The following XPO4 variants were observed in gnomAD, a reference collection of about 807,000 sequenced individuals.
XPO4 encodes the protein exportin-4.
A neutral mutation model predicts 143.0 loss-of-function variants in XPO4; 39 were observed. The ratio of observed to expected loss-of-function variants is 0.27; its 90% confidence interval spans 0.21 to 0.36. XPO4 has a LOEUF of 0.36. XPO4 is among the 10% of genes least tolerant of loss of function. XPO4 has a pLI of 1.00. For synonymous variants in XPO4, 439 were observed against 474.0 expected, an observed-to-expected ratio of 0.93 and a Z score of 0.96; for missense variants, 907 against 1,348.0, an observed-to-expected ratio of 0.67 and a Z score of 5.12.
intron 1 of XPO4, among the ~76,000 whole-genome samples, chr13:20,891,383 G>A (rs2060514721): frequency 6.6e-6 from 1 of 152,068 alleles, no homozygotes; most frequent in African/African-American, 2.4e-5. Flanking sequence ...TTACTATAAG[G>A]TTATCTTGAT....
At chr13:20,900,507 T>C (rs1300722335) in intron 1 of XPO4, among the ~76,000 whole-genome samples, 1 of 152,208 alleles carries the variant, frequency 6.6e-6, no homozygotes, top group Non-Finnish European at 1.5e-5. Flanking sequence ...TGGTAGCTAT[T>C]AATAATTTGG....
chr13:20,850,949 C>T, intron 4 of XPO4: 1 of 985,258 alleles, frequency 1.0e-6, no homozygotes, highest in Non-Finnish European at 1.2e-6. Context: ...CTACAGAAAA[C>T]CTTTAGTTAA....
At chr13:20,840,457 G>C (rs1225391259) in intron 6 of XPO4, among the ~76,000 whole-genome samples, 1 of 151,988 alleles carries the variant, frequency 6.6e-6, no homozygotes. Context: ...ATCCTCCCAT[G>C]TCAACCTCCC....
chr13:20,827,072 A>G lies in XPO4; in HGVS notation c.835T>C (p.Phe279Leu). ...LLDSRVMELF[F>L]TVHRKIREDS... is the part of the protein sequence containing the mutation. ...AGATGAAGACTAAAACTTACTGTGA[A>G]GAAAAGCTCCATAACTCTGCTGTCC... Residue 279 changes from phenylalanine (F) to leucine (L), a missense_variant, in exon 7 of 23, where the codon TTC becomes CTC. Transcript: ENST00000255305. 1.9e-6 allele frequency: 3 copies of G among 1,611,394 alleles called. No homozygotes were observed. Among genetic ancestry groups the G allele is most frequent in the Non-Finnish European group, 2.5e-6 (3 of 1,177,562 alleles).
chr13:20,831,152 T>C (rs545546529), intron 6 of XPO4, among the ~76,000 whole-genome samples: 1 of 152,226 alleles, frequency 6.6e-6, no homozygotes, highest in African/African-American at 2.4e-5. Flanking sequence ...AGATAATTCT[T>C]AAATTCTTAA....
At chr13:20,806,754 T>C (rs746638888) in intron 13 of XPO4, among the ~76,000 whole-genome samples, 5 of 151,958 alleles carry the variant, frequency 3.3e-5, no homozygotes, top group Non-Finnish European at 7.4e-5. Flanking sequence ...GGTTTCACCA[T>C]GTTGGCCAGG....
chr13:20,785,907 G>GAGGGAGGA (rs1239526497), intron 22 of XPO4, among the ~76,000 whole-genome samples: 5 of 144,102 alleles, frequency 3.5e-5, no homozygotes, highest in African/African-American at 1.0e-4. Flanking sequence ...AAAGAGGAGG[G>GAGGGAGGA]AGGAAGGAAG....
At chr13:20,813,559 T>C (rs1402645560) in intron 9 of XPO4, among the ~76,000 whole-genome samples, 1 of 152,202 alleles carries the variant, frequency 6.6e-6, no homozygotes, top group South Asian at 2.1e-4. Flanking sequence ...ATACACGTAA[T>C]ACACTGGTCC....
intron 15 of XPO4, among the ~76,000 whole-genome samples, chr13:20,799,580 A>G (rs2059406475): frequency 6.6e-6 from 1 of 152,184 alleles, no homozygotes; most frequent in Non-Finnish European, 1.5e-5. Flanking sequence ...AATCTGCAAA[A>G]TAGGAATAAT....
At chr13:20,836,497 TCCTC>T (rs1168423420) in intron 6 of XPO4, among the ~76,000 whole-genome samples, 1 of 152,170 alleles carries the variant, frequency 6.6e-6, no homozygotes, top group Non-Finnish European at 1.5e-5. Context: ...CTGACATGGA[TCCTC>T]TGCTCCTTCT....
intron 4 of XPO4, chr13:20,849,893 G>C (rs908722134): frequency 2.4e-6 from 2 of 823,910 alleles, no homozygotes; most frequent in African/African-American, 3.7e-5. Context: ...ATCACTTGAG[G>C]TCAGGAGTTC....
At chr13:20,792,186 C>T (rs2059290631) in intron 18 of XPO4, among the ~76,000 whole-genome samples, 1 of 152,172 alleles carries the variant, frequency 6.6e-6, no homozygotes, top group Admixed American at 6.5e-5. Context: ...AGGCCAGGCG[C>T]AGTAATCCCA....
chr13:20,874,066 G>A (rs61954198), intron 1 of XPO4, among the ~76,000 whole-genome samples: 1 of 152,098 alleles, frequency 6.6e-6, no homozygotes, highest in African/African-American at 2.4e-5. Context: ...TTGACCTTAG[G>A]TCTGCATGAC....
In XPO4 at chr13:20,809,204, G is replaced by A. The variant is rs778705222; in HGVS notation, c.1372C>T (p.Arg458Cys). The change falls in exon 11 of 23, where the codon CGT becomes TGT. Residue 458 changes from arginine (R) to cysteine (C), a missense_variant. Transcript: ENST00000255305. The stretch of plus-strand genomic sequence containing the variant: ...AGTTCACTTATTTCTTCCTCCTCAC[G>A]AGAGGCCACACCATTGGCAGTCTAT... ...RNLTANGVAS[R>C]EEEEISELQE... 1.2e-5 allele frequency: 20 copies of A among 1,613,844 alleles called. No individual in the cohort carries two copies. The highest frequency in any genetic ancestry group is 9.9e-5 in the South Asian group (9 of 91,048).
At chr13:20,835,081 G>T (rs1301526000) in intron 6 of XPO4, among the ~76,000 whole-genome samples, 1 of 152,130 alleles carries the variant, frequency 6.6e-6, no homozygotes, top group East Asian at 1.9e-4. Flanking sequence ...CATAGTTCAA[G>T]GTAACTTTGA....
intron 3 of XPO4, chr13:20,857,907 G>A: frequency 1.0e-6 from 1 of 984,736 alleles, no homozygotes; most frequent in South Asian, 4.7e-5. Context: ...TCAATTAAGA[G>A]GAAAAAATAA....
intron 3 of XPO4, among the ~76,000 whole-genome samples, chr13:20,862,192 A>AAT (rs1434583597): frequency 3.3e-5 from 5 of 152,116 alleles, no homozygotes; most frequent in African/African-American, 1.2e-4. Flanking sequence ...TGTTATATCA[A>AAT]TACTTACCAT....
At chr13:20,852,248 C>T in intron 4 of XPO4, 1 of 985,434 alleles carries the variant, frequency 1.0e-6, no homozygotes, top group African/African-American at 1.7e-5. Context: ...AGGAGCTGGA[C>T]TCCTTTACTG....
intron 1 of XPO4, among the ~76,000 whole-genome samples, chr13:20,887,467 A>G (rs1442530489): frequency 6.6e-6 from 1 of 152,220 alleles, no homozygotes; most frequent in Non-Finnish European, 1.5e-5. Context: ...CATAAACCAA[A>G]TCCAACAATG....
Sources: gnomAD v4.1 joint callset for allele counts (sites outside exome capture counted in the v4.1 genomes callset) on GRCh38, gnomAD v4.1.1 for gene constraint, MANE v1.5 for transcripts, NCBI Gene and HGNC (gene_info 2026-07-23, HGNC 2026-07-21) for gene names.